The following RANGAP1 variants were observed in gnomAD, a reference collection of about 807,000 sequenced individuals.
RANGAP1 encodes the protein Ran GTPase activating protein 1, also known as ran GTPase-activating protein 1.
RANGAP1 carries 38 observed loss-of-function variants against 63.5 expected under a neutral mutation model. The ratio of observed to expected loss-of-function variants is 0.60; its 90% CI spans 0.46 to 0.78. The LOEUF is 0.78. Among genes scored for constraint, RANGAP1 ranks in the 30% least tolerant of loss-of-function variants. The pLI, the probability that RANGAP1 is intolerant of heterozygous loss-of-function variation, is 0.00. For missense variants in RANGAP1, 630 were observed against 740.3 expected (o/e 0.85, Z 1.73); for synonymous variants, 329 against 310.5 (o/e 1.06, Z -0.63).
At chr22:41,270,495 C>T (rs1458785533) in intron 3 of RANGAP1, among the ~76,000 whole-genome samples, 3 of 152,112 alleles carry the variant, frequency 2.0e-5, no homozygotes, top group Admixed American at 6.6e-5. Context: ...TCGCCCAGGC[C>T]GGGGCGTAGC....
Position 41,264,795 on chromosome 22 carries a change from G to C in RANGAP1, c.349C>G (p.Leu117Val), listed in dbSNP as rs760745803. 4 of 1,613,536 alleles carry C rather than the reference G, an allele frequency of 2.5e-6. No homozygotes were observed. Among genetic ancestry groups the C allele is most frequent in the Non-Finnish European group, 3.4e-6 (4 of 1,179,570 alleles). The change falls in exon 5 of 16, where the codon CTG (leucine) becomes GTG (valine). Residue 117 changes from leucine to valine, a missense_variant. Around this residue, in one of 3 missense-constraint regions of RANGAP1, gnomAD observed 137 missense variants for 214.3 expected, o/e 0.64. Transcript: ENST00000356244. ...CCGAATGCGTTGTCGCTTAAGTCCA[G>C]CTCCACCAGCTGAGCCCCAGCTGTG... ...LITAGAQLVE[L>V]DLSDNAFGPD...
At chr22:41,249,071 G>C (rs927965692) in intron 15 of RANGAP1, among the ~76,000 whole-genome samples, 1 of 152,238 alleles carries the variant, frequency 6.6e-6, no homozygotes, top group Non-Finnish European at 1.5e-5. Context: ...CTGCACAATG[G>C]GGGCGCCGCA....
chr22:41,290,835 T>G (rs1293713530), upstream of RANGAP1, among the ~76,000 whole-genome samples: 93 of 152,278 alleles, frequency 6.1e-4, no homozygotes, highest in Non-Finnish European at 1.6e-4. Flanking sequence ...TGCCATTTAG[T>G]CAGATCAAAA....
the RANGAP1 span, among the ~76,000 whole-genome samples, chr22:41,294,494 C>T: frequency 6.1e-5 from 9 of 148,058 alleles, no homozygotes; most frequent in African/African-American, 1.7e-4. Flanking sequence ...AAGTGAGGAG[C>T]CTCTCTGCCT....
Position 41,253,154 on chromosome 22 carries a change from A to G in RANGAP1, c.1261-163T>C, listed in dbSNP as rs2033587672. 4 of 744,118 alleles carry G rather than the reference A, an allele frequency of 5.4e-6. 1 individual carries two copies. The South Asian group carries it at 1.8e-4, about 33-fold the overall frequency. The allele number at this position is 744,118 out of a possible 1,614,324, so 46.1% of individuals were successfully genotyped here. On this transcript the variant is annotated intron_variant, in intron 11 of 15. Coordinates refer to ENST00000356244, the MANE Select transcript of RANGAP1 (RefSeq NM_002883.4). ...ACTCAGCTGCATTTCCCATCTATCA[A>G]TATCACCCAGAGATGCTGGCCCTGG...
intron 15 of RANGAP1, 30 bp downstream of exon 15, chr22:41,249,300 G>A (rs1466574157): frequency 1.3e-6 from 2 of 1,564,736 alleles, no homozygotes; most frequent in Non-Finnish European, 1.7e-6. Flanking sequence ...GAGAGGGCAG[G>A]CACCGGCAGA....
the RANGAP1 span, among the ~76,000 whole-genome samples, chr22:41,299,953 G>C: frequency 6.6e-6 from 1 of 151,602 alleles, no homozygotes; most frequent in South Asian, 2.1e-4. Flanking sequence ...GGGTTTCACC[G>C]TGTTAGCCAG....
chr22:41,281,088 G>A lies in RANGAP1; in HGVS notation c.-38-6C>T, dbSNP rs756936234. 11 of 1,535,910 alleles carry A rather than the reference G, an allele frequency of 7.2e-6. No homozygotes were observed. The South Asian group carries it at 1.2e-4, about 16-fold the overall frequency. ...CTCCCCTGGAGATCTGCAGACTGAG[G>A]AGGCCAAAGTTGCAGTAAGAAAAAG... is the stretch of plus-strand genomic sequence containing the variant. On this transcript the variant is annotated splice_region_variant and splice_polypyrimidine_tract_variant and intron_variant, in intron 1 of 15. Coordinates refer to ENST00000356244, the MANE Select transcript of RANGAP1 (RefSeq NM_002883.4).
In RANGAP1 at chr22:41,258,119, G is replaced by A. The variant is rs150582179; in HGVS notation, c.616-13C>T. 1.9e-4 allele frequency: 302 copies of A among 1,585,820 alleles called. 1 individual carries two copies. The African/African-American group carries it at 3.7e-3, about 19-fold the overall frequency. On this transcript the variant is annotated splice_polypyrimidine_tract_variant and intron_variant, in intron 6 of 15. Transcript: ENST00000356244. Reference sequence around the variant, plus strand: ...GGGTCCCGATGACCTGTGAAGAGGAGGCAGAGAGTGGAGGGGGCCCCGAGT... The same window carrying A: ...GGGTCCCGATGACCTGTGAAGAGGAAGCAGAGAGTGGAGGGGGCCCCGAGT...
intron 3 of RANGAP1, among the ~76,000 whole-genome samples, chr22:41,272,309 G>A (rs1601680986): frequency 1.3e-5 from 2 of 152,134 alleles, no homozygotes; most frequent in African/African-American, 4.8e-5. Flanking sequence ...AGGCAGGAGA[G>A]CAGAAACAAT....
chr22:41,246,801 C>G, intron 15 of RANGAP1, 129 bp from the exon 16 acceptor site: 1 of 862,108 alleles, frequency 1.2e-6, no homozygotes, highest in Non-Finnish European at 1.8e-6. Context: ...GACATTAGCC[C>G]TCTGCCTTCT....
upstream of RANGAP1, among the ~76,000 whole-genome samples, chr22:41,287,752 C>T (rs548052794): frequency 4.0e-5 from 6 of 151,650 alleles, no homozygotes; most frequent in Non-Finnish European, 7.4e-5. Flanking sequence ...TTTGGGAGGC[C>T]GAGGCGGGCG....
the RANGAP1 span, among the ~76,000 whole-genome samples, chr22:41,297,607 C>T: frequency 1.3e-5 from 2 of 149,406 alleles, no homozygotes; most frequent in Non-Finnish European, 3.0e-5. Flanking sequence ...ACCTTCTTGG[C>T]TCAAGGATCC....
chr22:41,254,579 C>A (rs9623361), intron 10 of RANGAP1, 85 bp from the exon 11 acceptor site: 1 of 1,494,822 alleles, frequency 6.7e-7, no homozygotes. Flanking sequence ...GCCCAGAGAC[C>A]TCACCTCAGC....
chr22:41,288,492 C>T (rs2035799243), upstream of RANGAP1, among the ~76,000 whole-genome samples: 1 of 152,172 alleles, frequency 6.6e-6, no homozygotes, highest in Admixed American at 6.6e-5. Context: ...GAGTCATAGG[C>T]TTCCTGCTAT....
intron 1 of RANGAP1, chr22:41,285,342 G>T: frequency 3.8e-6 from 1 of 259,814 alleles, no homozygotes; most frequent in Non-Finnish European, 6.0e-6. Flanking sequence ...GCGAGACAGA[G>T]ATGCACCCCT....
At chr22:41,256,630 T>C in intron 8 of RANGAP1, 81 bp downstream of exon 8, 1 of 1,287,610 alleles carries the variant, frequency 7.8e-7, no homozygotes, top group Non-Finnish European at 1.1e-6. Context: ...CCCACCTGCC[T>C]TCAGACCAGA....
chr22:41,247,043 CT>C (rs1007141395), intron 15 of RANGAP1, among the ~76,000 whole-genome samples: 1 of 152,098 alleles, frequency 6.6e-6, no homozygotes, highest in Non-Finnish European at 1.5e-5. Flanking sequence ...TTTTTGGTTG[CT>C]TTTTTTCTTT....
Position 41,252,873 on chromosome 22 carries a change from T to C in RANGAP1, c.1379A>G (p.Gln460Arg). Residue 460 changes from glutamine (Q) to arginine (R), a missense_variant and splice_region_variant, in exon 12 of 16, where the codon CAG becomes CGG. Transcript: ENST00000356244. ...GPKSSVLIAQ[Q>R]TDTSDPEKVV... Reference sequence around the variant, plus strand: ...TGGGGGTCGAGGGGTGGTTATTACCTGCTGGGCTATCAGCACGGAGCTCTT... The same window carrying C: ...TGGGGGTCGAGGGGTGGTTATTACCCGCTGGGCTATCAGCACGGAGCTCTT... 1 of 1,571,558 alleles carries C rather than the reference T, an allele frequency of 6.4e-7. No homozygotes were observed. Among genetic ancestry groups the C allele is most frequent in the Non-Finnish European group, 8.6e-7 (1 of 1,160,844 alleles).
Sources: gnomAD v4.1 joint callset for allele counts (sites outside exome capture counted in the v4.1 genomes callset) on GRCh38, gnomAD v4.1.1 for gene constraint, gnomAD v4.1.1 regional missense constraint, MANE v1.5 for transcripts, NCBI Gene and HGNC (gene_info 2026-07-23, HGNC 2026-07-21) for gene names.